The following CNTNAP2 variants were observed in gnomAD, a reference collection of about 807,000 sequenced individuals.
CNTNAP2 encodes the protein contactin associated protein 2.
In CNTNAP2, 98 loss-of-function variants were observed where a neutral mutation model predicts 155.2. That is an observed-to-expected ratio of 0.63 (90% CI 0.54 to 0.75). The LOEUF (loss-of-function observed/expected upper bound fraction) is 0.75, where lower values mean the gene tolerates loss of function less well. CNTNAP2 is among the 30% of genes least tolerant of loss of function. The pLI, the probability that CNTNAP2 is intolerant of heterozygous loss-of-function variation, is 0.00. For synonymous variants in CNTNAP2, 651 were observed against 631.2 expected (o/e 1.03, Z -0.47); for missense variants, 1,727 against 1,688.1 (o/e 1.02, Z -0.40).
chr7:147,375,081 G>C (rs1045235162), intron 9 of CNTNAP2, among the ~76,000 whole-genome samples: 2 of 151,842 alleles, frequency 1.3e-5, no homozygotes, highest in African/African-American at 4.8e-5. Context: ...TCTCTCACCT[G>C]CCACCATGTA....
chr7:147,522,694 C>CT (rs1321179048), intron 11 of CNTNAP2, among the ~76,000 whole-genome samples: 1 of 149,010 alleles, frequency 6.7e-6, no homozygotes, highest in Non-Finnish European at 1.5e-5. Context: ...GAAAGAATGC[C>CT]TTTTTAAATC....
intron 17 of CNTNAP2, among the ~76,000 whole-genome samples, chr7:148,161,757 A>T (rs1805547867): frequency 6.6e-6 from 1 of 152,124 alleles, no homozygotes; most frequent in African/African-American, 2.4e-5. Context: ...CTGTTGTCTG[A>T]TTTTCCTTGA....
chr7:148,097,340 TA>T lies in CNTNAP2; in HGVS notation c.2384-20756del, dbSNP rs754030091. ...GTTTAAATTCAGCTCGTGTCATTTG[TA>T]AAAAAAAAAAAAAAAAAAAAACCAT... On this transcript the variant is annotated intron_variant, in intron 15 of 23. Transcript: ENST00000361727. 2.3e-3 allele frequency among the ~76,000 whole-genome samples: 179 copies of T among 78,480 alleles called. 2 individuals carry two copies. The highest frequency in any genetic ancestry group is 7.1e-3 in the Middle Eastern group (1 of 140). 51.5% of individuals were successfully genotyped at this position (78,480 alleles called of 152,430 possible).
At chr7:147,892,284 T>G (rs1799708184) in intron 13 of CNTNAP2, among the ~76,000 whole-genome samples, 1 of 152,228 alleles carries the variant, frequency 6.6e-6, no homozygotes, top group Admixed American at 6.5e-5. Flanking sequence ...TCATATCCAC[T>G]GCATTAGGAC....
intron 1 of CNTNAP2, among the ~76,000 whole-genome samples, chr7:146,525,579 T>C (rs1245287679): frequency 1.5e-5 from 2 of 131,862 alleles, no homozygotes; most frequent in African/African-American, 8.6e-5. Flanking sequence ...TATCTATCTC[T>C]CTATCTATCA....
intron 13 of CNTNAP2, among the ~76,000 whole-genome samples, chr7:147,882,412 T>C (rs1039122825): frequency 6.6e-6 from 1 of 152,210 alleles, no homozygotes; most frequent in Non-Finnish European, 1.5e-5. Context: ...TGGGGTCCAC[T>C]GTCAAATAGT....
At chr7:147,042,447 G>A (rs184115771) in intron 3 of CNTNAP2, among the ~76,000 whole-genome samples, 13 of 151,966 alleles carry the variant, frequency 8.6e-5, no homozygotes, top group South Asian at 2.1e-4. Flanking sequence ...GAATTTGACC[G>A]GGGAATGCGG....
chr7:148,213,923 AT>A (rs1460139534), intron 18 of CNTNAP2, among the ~76,000 whole-genome samples: 28 of 151,986 alleles, frequency 1.8e-4, no homozygotes, highest in Non-Finnish European at 3.1e-4. Flanking sequence ...TGAATGACTG[AT>A]TCTTAAAAAG....
chr7:146,928,627 G>T (rs1796666527), intron 3 of CNTNAP2, among the ~76,000 whole-genome samples: 1 of 152,148 alleles, frequency 6.6e-6, no homozygotes, highest in Admixed American at 6.5e-5. Context: ...CCGAAGCAGG[G>T]CGAGGCATTG....
intron 3 of CNTNAP2, among the ~76,000 whole-genome samples, chr7:146,880,730 T>C (rs1795531820): frequency 6.6e-6 from 1 of 152,158 alleles, no homozygotes; most frequent in African/African-American, 2.4e-5. Context: ...TTCCCATTTA[T>C]ATATTAGTAG....
intron 9 of CNTNAP2, among the ~76,000 whole-genome samples, chr7:147,311,215 T>G (rs185581398): frequency 5.3e-5 from 8 of 152,242 alleles, no homozygotes; most frequent in Non-Finnish European, 1.0e-4. Flanking sequence ...AAGAAAAGAA[T>G]CTTCATCATG....
At chr7:147,842,591 T>A (rs1346763699) in intron 13 of CNTNAP2, among the ~76,000 whole-genome samples, 141 of 123,340 alleles carry the variant, frequency 1.1e-3, no homozygotes, top group African/African-American at 4.6e-3. Flanking sequence ...ACTTTTCTTT[T>A]TTTTTTTTTT....
At chr7:147,330,974 A>C (rs1049248636) in intron 9 of CNTNAP2, among the ~76,000 whole-genome samples, 1 of 152,198 alleles carries the variant, frequency 6.6e-6, no homozygotes, top group Non-Finnish European at 1.5e-5. Context: ...ACCACTAACT[A>C]GTGGGACTCA....
At chr7:147,289,410 A>G (rs890144246) in intron 8 of CNTNAP2, among the ~76,000 whole-genome samples, 1 of 152,118 alleles carries the variant, frequency 6.6e-6, no homozygotes, top group African/African-American at 2.4e-5. Flanking sequence ...ATACTAAAAA[A>G]AAAACAGGAG....
chr7:147,033,147 C>CATATATATATATGTATATATATATAT (rs1799068412), intron 3 of CNTNAP2, among the ~76,000 whole-genome samples: 1 of 86,976 alleles, frequency 1.1e-5, no homozygotes, highest in African/African-American at 4.7e-5. Context: ...GATATTGCTG[C>CATATATATATATGTATATATATATAT]ATATATATAT....
chr7:146,198,108 C>T (rs183419694), intron 1 of CNTNAP2, among the ~76,000 whole-genome samples: 52 of 152,142 alleles, frequency 3.4e-4, no homozygotes, highest in Non-Finnish European at 2.5e-4. Flanking sequence ...CCACCAAGTC[C>T]CTCCCTACAC....
chr7:148,171,222 G>A (rs1346407455), intron 17 of CNTNAP2, among the ~76,000 whole-genome samples: 1 of 152,160 alleles, frequency 6.6e-6, no homozygotes, highest in Non-Finnish European at 1.5e-5. Flanking sequence ...TGTATATAGA[G>A]TGCCTAGTAT....
intron 1 of CNTNAP2, among the ~76,000 whole-genome samples, chr7:146,329,484 A>G (rs576780082): frequency 1.9e-4 from 29 of 152,130 alleles, no homozygotes; most frequent in Non-Finnish European, 3.5e-4. Flanking sequence ...CTCATTTTTT[A>G]AAAATATATT....
chr7:147,089,116 A>G (rs1480797333), intron 4 of CNTNAP2, among the ~76,000 whole-genome samples: 5 of 152,206 alleles, frequency 3.3e-5, no homozygotes, highest in Admixed American at 2.0e-4. Context: ...AATGGCTGAC[A>G]AGGAATTTGT....
Sources: allele counts gnomAD v4.1 joint callset (sites outside exome capture counted in the v4.1 genomes callset), GRCh38; gene constraint gnomAD v4.1.1; transcripts MANE v1.5; gene names NCBI Gene and HGNC (gene_info 2026-07-23, HGNC 2026-07-21).